The following TSPAN18 variants were observed in gnomAD, a reference collection of about 807,000 sequenced individuals.
TSPAN18 encodes the protein tetraspanin 18.
A neutral mutation model predicts 27.3 loss-of-function variants in TSPAN18; 14 were observed. The observed-to-expected ratio is 0.51, with a 90% confidence interval of 0.34 to 0.80. TSPAN18 has a LOEUF of 0.80. TSPAN18 is among the 30% of genes least tolerant of loss of function. The pLI is 0.01. For synonymous variants in TSPAN18, 143 were observed against 136.5 expected, an observed-to-expected ratio of 1.05 and a Z score of -0.33; for missense variants, 268 against 323.9, an observed-to-expected ratio of 0.83 and a Z score of 1.32.
intron 2 of TSPAN18, among the ~76,000 whole-genome samples, chr11:44,793,606 G>A (rs957469744): frequency 1.3e-5 from 2 of 152,190 alleles, no homozygotes; most frequent in African/African-American, 2.4e-5. Flanking sequence ...AGCCAACCTT[G>A]TGGGGATGCT....
intron 3 of TSPAN18, among the ~76,000 whole-genome samples, chr11:44,873,830 C>T (rs1359261213): frequency 6.6e-6 from 1 of 152,172 alleles, no homozygotes; most frequent in Non-Finnish European, 1.5e-5. Flanking sequence ...GGGCAGAGCC[C>T]AGAGGGAGCT....
At chr11:44,798,250 TACTC>T (rs1169345029) in intron 2 of TSPAN18, among the ~76,000 whole-genome samples, 1 of 152,194 alleles carries the variant, frequency 6.6e-6, no homozygotes, top group Non-Finnish European at 1.5e-5. Flanking sequence ...CAGCTTCACT[TACTC>T]AATCCTTAAA....
At chr11:44,850,401 G>T (rs1857573216) in intron 2 of TSPAN18, among the ~76,000 whole-genome samples, 1 of 152,104 alleles carries the variant, frequency 6.6e-6, no homozygotes, top group African/African-American at 2.4e-5. Context: ...CCAGGGTTTG[G>T]GAGGGACTCG....
rs1244832659 is a variant in TSPAN18 at position 44,929,359 on chromosome 11, A to AAT, written c.*184_*185dup. On this transcript the variant is annotated 3_prime_UTR_variant, in exon 10 of 10. Transcript: ENST00000520358. ...TTTAACAAAACAAAATGAAGACAAA[A>AAT]ATATGGACTGATGTATCCTCGCCTG... The AAT allele has an allele frequency of 1.4e-6, 1 of 730,414 alleles. No homozygotes were observed. Among genetic ancestry groups the AAT allele is most frequent in the African/African-American group, 1.8e-5 (1 of 56,006 alleles). 45.2% of individuals were successfully genotyped at this position (730,414 alleles called of 1,614,324 possible). A position where few individuals can be genotyped will look rare whatever the true frequency, so the allele number is the denominator to read the frequency against.
At chr11:44,764,749 T>C (rs1024522862) in intron 2 of TSPAN18, among the ~76,000 whole-genome samples, 2 of 152,138 alleles carry the variant, frequency 1.3e-5, no homozygotes, top group Non-Finnish European at 2.9e-5. Flanking sequence ...TGAGTGTTGA[T>C]GGATGGCAGG....
upstream of TSPAN18, chr11:44,726,879 G>A (rs1854515618): frequency 2.9e-5 from 4 of 137,366 alleles, no homozygotes; most frequent in Non-Finnish European, 6.4e-5. Flanking sequence ...GGGAGGGGCG[G>A]AGGTTTGGGG....
chr11:44,814,210 G>A (rs1193196879), intron 2 of TSPAN18, among the ~76,000 whole-genome samples: 1 of 149,254 alleles, frequency 6.7e-6, no homozygotes, highest in Non-Finnish European at 1.5e-5. Flanking sequence ...GCATCTGGTT[G>A]CCAATCTCTT....
chr11:44,896,322 A>G (rs572867302), intron 3 of TSPAN18, among the ~76,000 whole-genome samples: 1 of 152,208 alleles, frequency 6.6e-6, no homozygotes, highest in Admixed American at 6.5e-5. Context: ...CCCATCACTT[A>G]CCAACAGTGT....
intron 2 of TSPAN18, among the ~76,000 whole-genome samples, chr11:44,840,717 A>G (rs1169343493): frequency 6.6e-6 from 1 of 152,212 alleles, no homozygotes; most frequent in Non-Finnish European, 1.5e-5. Context: ...TGATCATGAC[A>G]CAGCTTGCAT....
intron 3 of TSPAN18, among the ~76,000 whole-genome samples, chr11:44,902,517 C>T (rs1290575087): frequency 6.6e-6 from 1 of 152,218 alleles, no homozygotes; most frequent in Non-Finnish European, 1.5e-5. Flanking sequence ...AAAGGCCCCA[C>T]AGTCAGTGAT....
chr11:44,765,698 A>G (rs1447002357), intron 2 of TSPAN18, among the ~76,000 whole-genome samples: 1 of 152,198 alleles, frequency 6.6e-6, no homozygotes, highest in Non-Finnish European at 1.5e-5. Flanking sequence ...CTGCCATACA[A>G]TTCTTGTGTC....
chr11:44,801,361 G>A (rs1300283339), intron 2 of TSPAN18, among the ~76,000 whole-genome samples: 1 of 152,174 alleles, frequency 6.6e-6, no homozygotes, highest in East Asian at 1.9e-4. Context: ...CTAACGTGAG[G>A]TTCTTTTCTT....
At chr11:44,905,818 T>C in intron 3 of TSPAN18, among the ~76,000 whole-genome samples, 1 of 152,184 alleles carries the variant, frequency 6.6e-6, no homozygotes, top group East Asian at 1.9e-4. Context: ...AGGGAGGCTT[T>C]GGCCCCAGAA....
At chr11:44,848,771 T>A (rs1424152445) in intron 2 of TSPAN18, among the ~76,000 whole-genome samples, 1 of 152,250 alleles carries the variant, frequency 6.6e-6, no homozygotes, top group African/African-American at 2.4e-5. Flanking sequence ...TGACGCCACA[T>A]GGCCCATGAG....
chr11:44,768,452 TC>T (rs1855618275), intron 2 of TSPAN18, among the ~76,000 whole-genome samples: 1 of 152,256 alleles, frequency 6.6e-6, no homozygotes, highest in African/African-American at 2.4e-5. Context: ...TAACTTCCTA[TC>T]CTACAACCTT....
chr11:44,748,371 C>G (rs760470418), intron 1 of TSPAN18, among the ~76,000 whole-genome samples: 1 of 151,404 alleles, frequency 6.6e-6, no homozygotes, highest in Non-Finnish European at 1.5e-5. Context: ...GCACTCCAGC[C>G]TGGGTGACAG....
At chr11:44,801,762 T>C (rs1375617068) in intron 2 of TSPAN18, among the ~76,000 whole-genome samples, 1 of 152,208 alleles carries the variant, frequency 6.6e-6, no homozygotes, top group Non-Finnish European at 1.5e-5. Flanking sequence ...CCGGCTTTAG[T>C]GGCTCACACC....
At chr11:44,882,585 G>GACACACACACACACACAC (rs199874715) in intron 3 of TSPAN18, among the ~76,000 whole-genome samples, 4 of 92,490 alleles carry the variant, frequency 4.3e-5, no homozygotes, top group South Asian at 3.5e-4. Context: ...GTCAGAGAGA[G>GACACACACACACACACAC]AGACACACAC....
At chr11:44,795,399 T>TC (rs1440242752) in intron 2 of TSPAN18, among the ~76,000 whole-genome samples, 10 of 152,098 alleles carry the variant, frequency 6.6e-5, no homozygotes, top group Admixed American at 1.3e-4. Context: ...CCTGCCCCAG[T>TC]CATGGTAAGC....
Sources: gnomAD v4.1 joint callset for allele counts (sites outside exome capture counted in the v4.1 genomes callset) on GRCh38, gnomAD v4.1.1 for gene constraint, MANE v1.5 for transcripts, NCBI Gene and HGNC (gene_info 2026-07-23, HGNC 2026-07-21) for gene names.